The following PICALM variants were observed in gnomAD, a reference collection of about 807,000 sequenced individuals.
The protein encoded by PICALM is phosphatidylinositol-binding clathrin assembly protein.
A neutral mutation model predicts 80.5 loss-of-function variants in PICALM; 40 were observed. The ratio of observed to expected loss-of-function variants is 0.50; its 90% CI spans 0.39 to 0.65. The LOEUF (loss-of-function observed/expected upper bound fraction) is 0.65, where lower values mean the gene tolerates loss of function less well. Ranked by LOEUF, PICALM falls within the 30% of genes least tolerant of loss-of-function variation. PICALM has a pLI of 0.00. For missense variants in PICALM, 676 were observed against 778.9 expected (o/e 0.87, Z 1.57); for synonymous variants, 288 against 260.3 (o/e 1.11, Z -1.02).
intron 19 of PICALM, among the ~76,000 whole-genome samples, chr11:85,959,798 T>C (rs573551526): frequency 3.3e-5 from 5 of 152,180 alleles, no homozygotes; most frequent in African/African-American, 1.2e-4. Context: ...CAGGCTGATC[T>C]TGAACTACTA....
chr11:86,067,702 T>TG (rs1400354303), intron 1 of PICALM, among the ~76,000 whole-genome samples: 1 of 152,240 alleles, frequency 6.6e-6, no homozygotes, highest in Non-Finnish European at 1.5e-5. Context: ...TTAATCCATT[T>TG]GGAATTCCAA....
chr11:85,982,460 G>A (rs531248375), intron 14 of PICALM, among the ~76,000 whole-genome samples: 18 of 107,446 alleles, frequency 1.7e-4, no homozygotes, highest in African/African-American at 7.1e-4. Flanking sequence ...TTGCTCTGTC[G>A]CCCAGGTCGG....
At chr11:86,003,488 T>G in intron 8 of PICALM, 37 bp from the exon 9 acceptor site, 1 of 1,318,098 alleles carries the variant, frequency 7.6e-7, no homozygotes, top group Non-Finnish European at 1.1e-6. Flanking sequence ...TCATGATAAT[T>G]AGGCCACTGG....
chr11:86,015,330 A>C (rs941676367), intron 4 of PICALM, among the ~76,000 whole-genome samples: 1 of 152,200 alleles, frequency 6.6e-6, no homozygotes, highest in Non-Finnish European at 1.5e-5. Flanking sequence ...TAAAATTACA[A>C]ATAAAATAAT....
chr11:86,058,638 T>C (rs1197179180), intron 1 of PICALM, among the ~76,000 whole-genome samples: 1 of 152,244 alleles, frequency 6.6e-6, no homozygotes, highest in African/African-American at 2.4e-5. Flanking sequence ...CCACCATTGC[T>C]ACCACCACCC....
At position 86,057,587 on chromosome 11, in the gene PICALM, A is replaced by G. The variant is rs201815295; in HGVS notation, c.130+11064T>C. Among the ~76,000 whole-genome samples the G allele has an allele frequency of 1.8e-4, 27 of 150,838 alleles. 1 individual carries two copies. Among genetic ancestry groups the G allele is most frequent in the South Asian group, 6.3e-4 (3 of 4,776 alleles). ...ATAAATAAATAATGAATAAAAAATTATGTGTGTGTGTGTGTATGTACACAC... is the reference window on the plus strand; with the variant it reads ...ATAAATAAATAATGAATAAAAAATTGTGTGTGTGTGTGTGTATGTACACAC... On this transcript the variant is annotated intron_variant, in intron 1 of 19. Coordinates refer to ENST00000393346, the MANE Select transcript of PICALM (RefSeq NM_007166.4).
At chr11:86,061,558 C>G (rs1456193765) in intron 1 of PICALM, among the ~76,000 whole-genome samples, 1 of 151,992 alleles carries the variant, frequency 6.6e-6, no homozygotes. Flanking sequence ...AACAATACCA[C>G]TACACACCTA....
chr11:86,052,571 C>T (rs1350047924), intron 1 of PICALM, among the ~76,000 whole-genome samples: 1 of 152,202 alleles, frequency 6.6e-6, no homozygotes, highest in African/African-American at 2.4e-5. Context: ...TGCCACCATT[C>T]ATTCATTCTA....
intron 5 of PICALM, among the ~76,000 whole-genome samples, chr11:86,014,072 A>T (rs2095441836): frequency 1.3e-5 from 2 of 152,226 alleles, no homozygotes; most frequent in South Asian, 4.1e-4. Flanking sequence ...TACCTGTAAG[A>T]TTTATTGAAT....
chr11:85,997,913 G>A (rs2136043446), intron 11 of PICALM, among the ~76,000 whole-genome samples: 1 of 152,118 alleles, frequency 6.6e-6, no homozygotes, highest in East Asian at 1.9e-4. Flanking sequence ...CTCCCAAGAA[G>A]CTGGGATTAA....
intron 4 of PICALM, among the ~76,000 whole-genome samples, chr11:86,018,950 T>C (rs1316089761): frequency 6.6e-6 from 1 of 151,316 alleles, no homozygotes; most frequent in African/African-American, 2.4e-5. Context: ...ATGTCCAAAA[T>C]ACACAGGAGG....
chr11:86,017,942 A>C (rs2095505964), intron 4 of PICALM, among the ~76,000 whole-genome samples: 1 of 152,244 alleles, frequency 6.6e-6, no homozygotes, highest in African/African-American at 2.4e-5. Context: ...AGAGAAATGC[A>C]GATGTGGCAA....
chr11:86,035,952 A>AG (rs1387734139), intron 1 of PICALM, among the ~76,000 whole-genome samples: 23 of 150,482 alleles, frequency 1.5e-4, no homozygotes, highest in African/African-American at 5.1e-4. Context: ...TGCCTCAAAA[A>AG]AAAAAAAAAA....
At chr11:86,065,879 G>A (rs1439211223) in intron 1 of PICALM, among the ~76,000 whole-genome samples, 1 of 152,078 alleles carries the variant, frequency 6.6e-6, no homozygotes, top group African/African-American at 2.4e-5. Context: ...GAAAGATCTT[G>A]GCGAGAAACT....
At chr11:86,009,292 C>CAAAAAAAAAA (rs10557244) in intron 7 of PICALM, among the ~76,000 whole-genome samples, 1 of 41,638 alleles carries the variant, frequency 2.4e-5, no homozygotes, top group Admixed American at 4.5e-4. Flanking sequence ...GTCTCTGTCT[C>CAAAAAAAAAA]AAAAAAAAAA....
chr11:86,057,197 A>T (rs924270728), intron 1 of PICALM, among the ~76,000 whole-genome samples: 4 of 152,176 alleles, frequency 2.6e-5, no homozygotes, highest in Non-Finnish European at 4.4e-5. Context: ...TTGCAAAAAA[A>T]TGTGTACTCT....
intron 1 of PICALM, among the ~76,000 whole-genome samples, chr11:86,053,097 T>G (rs2096216481): frequency 6.6e-6 from 1 of 152,214 alleles, no homozygotes; most frequent in African/African-American, 2.4e-5. Flanking sequence ...TCTGCATACG[T>G]CATCTACCCT....
chr11:86,016,390 A>G (rs1473744478), intron 4 of PICALM, among the ~76,000 whole-genome samples: 6 of 152,210 alleles, frequency 3.9e-5, no homozygotes, highest in Non-Finnish European at 8.8e-5. Context: ...TTGGTCACAT[A>G]TCCCTGTGGT....
chr11:86,050,411 G>A (rs1230527609), intron 1 of PICALM, among the ~76,000 whole-genome samples: 1 of 152,036 alleles, frequency 6.6e-6, no homozygotes, highest in Non-Finnish European at 1.5e-5. Context: ...CCAAAAATGT[G>A]CAAGCAATTA....
Sources: allele counts gnomAD v4.1 joint callset (sites outside exome capture counted in the v4.1 genomes callset), GRCh38; gene constraint gnomAD v4.1.1; transcripts MANE v1.5; gene names NCBI Gene and HGNC (gene_info 2026-07-23, HGNC 2026-07-21).